Variants in LOC128092252 observed in about 807,000 individuals in gnomAD.
chr15:50,671,149 G>A, the LOC128092252 span, among the ~76,000 whole-genome samples: 1 of 152,206 alleles, frequency 6.6e-6, no homozygotes, highest in East Asian at 1.9e-4. Context: ...AAGATTTCTT[G>A]AAATTATTCT....
chr15:50,648,824 A>G, the LOC128092252 span: 11 of 1,613,070 alleles, frequency 6.8e-6, no homozygotes, highest in South Asian at 8.8e-5. Context: ...ACATCTGAGT[A>G]TTTCATGGCA....
the LOC128092252 span, among the ~76,000 whole-genome samples, chr15:50,666,819 C>T: frequency 6.6e-5 from 10 of 151,810 alleles, no homozygotes; most frequent in Admixed American, 2.0e-4. Flanking sequence ...AAAGAAGAGG[C>T]GGTGGAGGTG....
the LOC128092252 span, among the ~76,000 whole-genome samples, chr15:50,679,124 A>T: frequency 7.0e-6 from 1 of 142,684 alleles, no homozygotes; most frequent in Admixed American, 7.1e-5. Context: ...CACCCGCCTC[A>T]GCCTTCCAAA....
At chr15:50,652,656 GT>G in the LOC128092252 span, among the ~76,000 whole-genome samples, 30 of 151,512 alleles carry the variant, frequency 2.0e-4, no homozygotes, top group African/African-American at 7.0e-4. Context: ...CAAAAAAATC[GT>G]TTAAGTGGGT....
At chr15:50,672,298 C>T in the LOC128092252 span, among the ~76,000 whole-genome samples, 8 of 151,946 alleles carry the variant, frequency 5.3e-5, no homozygotes, top group Admixed American at 3.3e-4. Flanking sequence ...TGACGTGATC[C>T]GCCCACCTTG....
chr15:50,648,844 G>A, the LOC128092252 span: 2 of 1,612,142 alleles, frequency 1.2e-6, no homozygotes, highest in Non-Finnish European at 8.5e-7. Flanking sequence ...AAGACTTGCA[G>A]TAAAACAAGC....
chr15:50,681,148 G>A, the LOC128092252 span, among the ~76,000 whole-genome samples: 2 of 151,960 alleles, frequency 1.3e-5, no homozygotes, highest in Non-Finnish European at 2.9e-5. Context: ...CTACTCAGGA[G>A]GCTGAGGCAG....
At chr15:50,667,175 T>C in the LOC128092252 span, among the ~76,000 whole-genome samples, 1 of 152,146 alleles carries the variant, frequency 6.6e-6, no homozygotes. Flanking sequence ...CACAGCTCTC[T>C]GCATGTCTGG....
chr15:50,662,308 C>CA, the LOC128092252 span, among the ~76,000 whole-genome samples: 1 of 141,804 alleles, frequency 7.1e-6, no homozygotes, highest in African/African-American at 2.7e-5. Flanking sequence ...GCCTGGACGA[C>CA]AGAGCAAGAC....
At chr15:50,659,425 G>C in the LOC128092252 span, among the ~76,000 whole-genome samples, 2 of 152,094 alleles carry the variant, frequency 1.3e-5, no homozygotes, top group African/African-American at 4.8e-5. Context: ...TTCACTTACA[G>C]CATTTGGTAC....
At chr15:50,684,726 C>T in the LOC128092252 span, among the ~76,000 whole-genome samples, 3 of 152,060 alleles carry the variant, frequency 2.0e-5, no homozygotes, top group Non-Finnish European at 4.4e-5. Context: ...AAAATCCAAA[C>T]TGATGGAAAT....
chr15:50,675,456 C>T, the LOC128092252 span, among the ~76,000 whole-genome samples: 8 of 152,122 alleles, frequency 5.3e-5, no homozygotes, highest in Non-Finnish European at 1.0e-4. Context: ...AATGTACATA[C>T]ATTCTTCCCA....
chr15:50,669,574 T>C, the LOC128092252 span, among the ~76,000 whole-genome samples: 1 of 152,218 alleles, frequency 6.6e-6, no homozygotes, highest in East Asian at 1.9e-4. Context: ...ACAAATAATC[T>C]GGCCAAGTAT....
At chr15:50,667,756 A>C in the LOC128092252 span, among the ~76,000 whole-genome samples, 2 of 152,192 alleles carry the variant, frequency 1.3e-5, no homozygotes, top group African/African-American at 4.8e-5. Context: ...AAATTGGATC[A>C]ATTTGTCTAT....
chr15:50,685,658 G>A, the LOC128092252 span, among the ~76,000 whole-genome samples: 1 of 152,184 alleles, frequency 6.6e-6, no homozygotes, highest in East Asian at 1.9e-4. Flanking sequence ...TTCAAGTACT[G>A]ACCAAAAATA....
chr15:50,678,555 C>T, the LOC128092252 span, among the ~76,000 whole-genome samples: 1 of 143,954 alleles, frequency 6.9e-6, no homozygotes, highest in Admixed American at 7.0e-5. Context: ...CACACACACA[C>T]ATATACATAA....
At chr15:50,682,141 G>C in the LOC128092252 span, among the ~76,000 whole-genome samples, 4 of 115,266 alleles carry the variant, frequency 3.5e-5, no homozygotes, top group African/African-American at 6.6e-5. Flanking sequence ...TCGCGCCACC[G>C]CAAGCCTGGG....
At chr15:50,656,927 C>T in the LOC128092252 span, among the ~76,000 whole-genome samples, 1 of 152,162 alleles carries the variant, frequency 6.6e-6, no homozygotes, top group Non-Finnish European at 1.5e-5. Flanking sequence ...TTGTCAAAAA[C>T]ATCTTACTTC....
chr15:50,666,543 C>A, the LOC128092252 span, among the ~76,000 whole-genome samples: 1 of 152,032 alleles, frequency 6.6e-6, no homozygotes, highest in Admixed American at 6.6e-5. Context: ...GTGGCTTATA[C>A]CTGTAATCCC....
Sources: gnomAD v4.1 joint callset for allele counts (sites outside exome capture counted in the v4.1 genomes callset) on GRCh38, gnomAD v4.1.1 for gene constraint, MANE v1.5 for transcripts.